Variants in APOB observed in about 807,000 individuals in gnomAD.
APOB encodes apolipoprotein B-100.
A neutral mutation model predicts 314.1 loss-of-function variants in APOB; 153 were observed. That is an observed-to-expected ratio of 0.49 (90% CI 0.43 to 0.56). The LOEUF is 0.56. APOB is among the 20% of genes least tolerant of loss of function. APOB has a pLI of 0.00. For missense variants in APOB, 5,430 were observed against 5,350.7 expected (o/e 1.01, Z -0.46); for synonymous variants, 2,087 against 2,036.4 (o/e 1.02, Z -0.67).
chr2:21,033,260 A>G (rs958930760), intron 9 of APOB, 39 bp downstream of exon 9: 4 of 1,530,194 alleles, frequency 2.6e-6, no homozygotes, highest in African/African-American at 2.7e-5. Context: ...GTCAGTTACC[A>G]TCAGTTTTAT....
intron 3 of APOB, 48 bp downstream of exon 3, chr2:21,042,312 TG>T: frequency 6.8e-7 from 1 of 1,473,350 alleles, no homozygotes; most frequent in Non-Finnish European, 9.5e-7. Context: ...GGAACAGGGC[TG>T]GGGGAAAGCT....
At chr2:21,023,885 A>G (rs1663673898) in intron 16 of APOB, 193 bp from the exon 17 acceptor site, 4 of 503,342 alleles carry the variant, frequency 7.9e-6, no homozygotes, top group Non-Finnish European at 6.8e-6. Context: ...GAATCAGGAT[A>G]TAAGAAATTT....
Position 21,008,121 on chromosome 2 carries a change from G to A in APOB, c.8747C>T (p.Ala2916Val). Residue 2916 changes from alanine to valine, a missense_variant, in exon 26 of 29, where the codon GCT becomes GTT. Coordinates refer to ENST00000233242, the MANE Select transcript of APOB (RefSeq NM_000384.3). ...LRNEIKTLLK[A>V]GHIAWTSSGK... ...AGAAGAAGTCCATGCTATGTGGCCA[G>A]CTTTCAACAGTGTCTTGATCTCGTT... is the stretch of plus-strand genomic sequence containing the variant. The A allele has an allele frequency of 6.2e-7, 1 of 1,614,054 alleles. No homozygotes were observed. The highest frequency in any genetic ancestry group is 8.5e-7 in the Non-Finnish European group (1 of 1,179,974).
chr2:21,037,999 C>T lies in APOB; in HGVS notation c.496G>A (p.Val166Ile). The T allele has an allele frequency of 6.2e-7, 1 of 1,614,190 alleles. No homozygotes were observed. The change falls in exon 5 of 29, where the codon GTT (valine) becomes ATT (isoleucine). Residue 166 changes from valine to isoleucine, a missense_variant. This residue lies in a region of APOB where 2,085 missense variants were observed against 2,079.7 expected (regional missense o/e 1.00). Coordinates refer to ENST00000233242, the MANE Select transcript of APOB (RefSeq NM_000384.3). ...IKRGIISALL[V>I]PPETEEAKQV... ...TTGGCTTCTTCTGTCTCTGGGGGAA[C>T]CAGGAGGGCAGAAATGATGCCCCTC...
chr2:21,008,793 T>A lies in APOB; in HGVS notation c.8075A>T (p.Tyr2692Phe). 1 of 1,614,068 alleles carries A rather than the reference T, an allele frequency of 6.2e-7. No individual in the cohort carries two copies. The highest frequency in any genetic ancestry group is 2.2e-5 in the East Asian group (1 of 44,880). ...GTCCTCCACCTTCAGATCCCTGAGA[T>A]ATATATCTGGAACGGGCCACTGCAG... ...SELQWPVPDI[Y>F]LRDLKVEDIP... The change falls in exon 26 of 29, where the codon TAT (tyrosine) becomes TTT (phenylalanine). Residue 2692 changes from tyrosine (Y) to phenylalanine (F), a missense_variant. Physicochemically the swap from Tyr to Phe is conservative, Grantham distance 22. Around this residue, in one of 3 missense-constraint regions of APOB, gnomAD observed 3,281 missense variants for 3,171.0 expected, o/e 1.03. Coordinates refer to ENST00000233242, the MANE Select transcript of APOB (RefSeq NM_000384.3).
Position 21,002,158 on chromosome 2 carries a change from G to A in APOB, c.13264C>T (p.His4422Tyr), listed in dbSNP as rs1662999280. The change falls in exon 29 of 29, where the codon CAT becomes TAT. Residue 4422 changes from histidine to tyrosine, a missense_variant. Coordinates refer to ENST00000233242, the MANE Select transcript of APOB (RefSeq NM_000384.3). ...GAGGCACTGACAATATATTCAGAAT[G>A]GAAGTCCTTAAGAGCAACTAACAGG... The part of the protein sequence containing the change: ...KNLLVALKDF[H>Y]SEYIVSASNF... 6.2e-7 allele frequency: 1 copy of A among 1,613,950 alleles called. No homozygotes were observed. Among genetic ancestry groups the A allele is most frequent in the Non-Finnish European group, 8.5e-7 (1 of 1,179,958 alleles).
In APOB at chr2:21,008,676, A is replaced by C; in HGVS notation, c.8192T>G (p.Phe2731Cys). ...TGGTATGTGAAGGTCAGGAACTTGA[A>C]AATCATTAAGGTTGAGAGTTGGGAT... is the stretch of plus-strand genomic sequence containing the variant. Reference protein sequence around the residue: ...FIIPTLNLNDFQVPDLHIPEF... With the variant: ...FIIPTLNLNDCQVPDLHIPEF... Residue 2731 changes from phenylalanine to cysteine, a missense_variant, in exon 26 of 29, where the codon TTT (phenylalanine) becomes TGT (cysteine). Transcript: ENST00000233242. 2 of 1,614,066 alleles carry C rather than the reference A, an allele frequency of 1.2e-6. No individual in the cohort carries two copies. The highest frequency in any genetic ancestry group is 1.7e-6 in the Non-Finnish European group (2 of 1,179,980).
At chr2:21,035,311 G>A (rs950662634) in intron 7 of APOB, among the ~76,000 whole-genome samples, 1 of 152,054 alleles carries the variant, frequency 6.6e-6, no homozygotes, top group African/African-American at 2.4e-5. Flanking sequence ...TTCTAACCAG[G>A]GTACCCTGCA....
intron 1 of APOB, 58 bp from the exon 2 acceptor site, chr2:21,043,609 G>A (rs901916044): frequency 1.5e-5 from 23 of 1,562,208 alleles, no homozygotes; most frequent in Non-Finnish European, 1.9e-5. Context: ...CGGGTGCTAG[G>A]GCCCGACAGG....
chr2:21,016,530 C>A lies in APOB; in HGVS notation c.3241G>T (p.Asp1081Tyr). Reference protein sequence around the residue: ...VDLGTILRVNDESTEGKTSYR... With the variant: ...VDLGTILRVNYESTEGKTSYR... ...GACGTTTTGCCCTCAGTAGATTCAT[C>A]ATTAACTCTGAGGATTGTTCCGAGG... is the stretch of plus-strand genomic sequence containing the variant. Residue 1081 changes from aspartate (D) to tyrosine (Y), a missense_variant, in exon 21 of 29, where the codon GAT becomes TAT. Asp to Tyr is a radical substitution (Grantham distance 160, BLOSUM62 -3). Coordinates refer to ENST00000233242, the MANE Select transcript of APOB (RefSeq NM_000384.3). 1 of 1,604,970 alleles carries A rather than the reference C, an allele frequency of 6.2e-7. No homozygotes were observed. The highest frequency in any genetic ancestry group is 2.2e-5 in the East Asian group (1 of 44,824).
chr2:21,026,718 G>A lies in APOB; in HGVS notation c.2244+70C>T. On this transcript the variant is annotated intron_variant, in intron 15 of 28. Transcript: ENST00000233242. ...TAGATAGTATTTTGAGGACTTCCAT[G>A]CTTAGAAAAGAATTGTTTTTGCATT... is the stretch of plus-strand genomic sequence containing the variant. 7.0e-6 allele frequency: 9 copies of A among 1,283,628 alleles called. No homozygotes were observed. The South Asian group carries it at 9.5e-5, about 14-fold the overall frequency. The allele number at this position is 1,283,628 out of a possible 1,614,324, so 79.5% of individuals were successfully genotyped here.
chr2:21,035,438 A>G lies in APOB; in HGVS notation c.818+146T>C, dbSNP rs1174340974. The G allele has an allele frequency of 9.4e-6, 10 of 1,060,180 alleles. No homozygotes were observed. The East Asian group carries it at 2.5e-4, about 27-fold the overall frequency. 65.7% of individuals were successfully genotyped at this position (1,060,180 alleles called of 1,614,324 possible). A position where few individuals can be genotyped will look rare whatever the true frequency, so the allele number is the denominator to read the frequency against. On this transcript the variant is annotated intron_variant, in intron 7 of 28. Coordinates refer to ENST00000233242, the MANE Select transcript of APOB (RefSeq NM_000384.3). ...TTTCTGCCAAATGGCCTGTTCGCTT[A>G]AAAAGGGGGACAGGGAGGGGCGGCA...
intron 27 of APOB, 39 bp from the exon 28 acceptor site, chr2:21,004,491 T>C (rs1257983552): frequency 1.2e-6 from 2 of 1,613,138 alleles, no homozygotes; most frequent in African/African-American, 2.7e-5. Context: ...ACGAAAGGGG[T>C]ATGGAGATGA....
At chr2:21,023,069 G>A in intron 17 of APOB, 27 bp from the exon 18 acceptor site, 1 of 1,599,774 alleles carries the variant, frequency 6.3e-7, no homozygotes, top group Non-Finnish European at 8.6e-7. Flanking sequence ...AACCTATTCA[G>A]ATTCATTAAA....
At chr2:21,042,286 G>A (rs1664148974) in intron 3 of APOB, 75 bp downstream of exon 3, 4 of 1,132,774 alleles carry the variant, frequency 3.5e-6, no homozygotes, top group Non-Finnish European at 4.0e-6. Context: ...GGAAGGTCGC[G>A]TGTTGGGCGC....
chr2:21,038,141 T>A (rs1380307808), intron 4 of APOB, 30 bp from the exon 5 acceptor site: 2 of 1,612,806 alleles, frequency 1.2e-6, no homozygotes, highest in Non-Finnish European at 1.7e-6. Context: ...GTCACGGAAA[T>A]GTCCTTCTCC....
At position 21,042,432 on chromosome 2, in the gene APOB, A is replaced by G. The variant is rs150496608; in HGVS notation, c.166T>C (p.Tyr56His). Residue 56 changes from tyrosine (Y) to histidine (H), a missense_variant, in exon 3 of 29, where the codon TAT becomes CAT. Around this residue, in one of 3 missense-constraint regions of APOB, gnomAD observed 2,085 missense variants for 2,079.7 expected, o/e 1.00. Transcript: ENST00000233242. ...ACTCCACTGGAACTCTCAGCCTCAT[A>G]GTTGTATGTGTACTTCCGGAGGTGC... ...FKHLRKYTYN[Y>H]EAESSSGVPG... is the part of the protein sequence containing the mutation. The G allele has an allele frequency of 6.2e-6, 10 of 1,614,148 alleles. No homozygotes were observed. The African/African-American group carries it at 1.2e-4, about 19-fold the overall frequency.
At chr2:21,031,090 T>C (rs892918301) in intron 10 of APOB, among the ~76,000 whole-genome samples, 4 of 152,080 alleles carry the variant, frequency 2.6e-5, no homozygotes, top group Non-Finnish European at 4.4e-5. Flanking sequence ...AATCCAACAA[T>C]CCCATTACTG....
Position 21,028,553 on chromosome 2 carries a change from G to C in APOB, c.1618-15C>G. ...ACCTCCTGGTCCTGCAGTCAAAAGAGGAGATGGTTATCACTGTCCTGTGGT... is the reference window on the plus strand; with the variant it reads ...ACCTCCTGGTCCTGCAGTCAAAAGACGAGATGGTTATCACTGTCCTGTGGT... On this transcript the variant is annotated splice_polypyrimidine_tract_variant and intron_variant, in intron 12 of 28. Coordinates refer to ENST00000233242, the MANE Select transcript of APOB (RefSeq NM_000384.3). The C allele has an allele frequency of 6.3e-7, 1 of 1,581,570 alleles. No homozygotes were observed. The highest frequency in any genetic ancestry group is 8.7e-7 in the Non-Finnish European group (1 of 1,155,092).
Sources: gnomAD v4.1 joint callset for allele counts (sites outside exome capture counted in the v4.1 genomes callset) on GRCh38, gnomAD v4.1.1 for gene constraint, gnomAD v4.1.1 regional missense constraint, MANE v1.5 for transcripts, NCBI Gene and HGNC (gene_info 2026-07-23, HGNC 2026-07-21) for gene names.